TMEM196: variants seen among roughly 807,000 people sequenced by gnomAD.
TMEM196 encodes the protein transmembrane protein 196.
TMEM196 carries 17 observed loss-of-function variants against 20.0 expected under a neutral mutation model. The ratio of observed to expected loss-of-function variants is 0.85; its 90% CI spans 0.58 to 1.27. The LOEUF (loss-of-function observed/expected upper bound fraction) is 1.27. Ranked by LOEUF, TMEM196 falls within the 50% of genes most tolerant of loss-of-function variation. The pLI is 0.00. For synonymous variants in TMEM196, 113 were observed against 88.9 expected (o/e 1.27, Z -1.52); for missense variants, 267 against 223.0 (o/e 1.20, Z -1.26).
Position 19,725,560 on chromosome 7 carries a change from G to T in TMEM196, c.413C>A (p.Ser138Ter), listed in dbSNP as rs1273710579. Residue 138 changes from serine (S) to a stop codon, truncating the protein, a stop_gained, in exon 3 of 5, where the codon TCA becomes TAA. Transcript: ENST00000405844. LOFTEE classifies it high-confidence loss of function. ...LASYEQRRMFSEREHSLHHSH... is the reference protein window; with the variant it reads ...LASYEQRRMF Reference sequence around the variant, plus strand: ...GTGATGCAGGGAATGCTCCCTTTCTGAGAACATCCTCCTCTGTTCATAACT... The same window carrying T: ...GTGATGCAGGGAATGCTCCCTTTCTTAGAACATCCTCCTCTGTTCATAACT... 6.2e-7 allele frequency: 1 copy of T among 1,613,474 alleles called. No homozygotes were observed. Among genetic ancestry groups the T allele is most frequent in the Non-Finnish European group, 8.5e-7 (1 of 1,179,604 alleles).
chr7:19,769,351 A>G (rs1442094028), intron 1 of TMEM196, among the ~76,000 whole-genome samples: 1 of 152,090 alleles, frequency 6.6e-6, no homozygotes, highest in Admixed American at 6.6e-5. Flanking sequence ...AATATGAGAA[A>G]GTAATTCTGT....
chr7:19,721,825 T>C lies in TMEM196; in HGVS notation c.*303A>G, dbSNP rs946459115. On this transcript the variant is annotated 3_prime_UTR_variant, in exon 5 of 5. Transcript: ENST00000405844. ...TTTCTGTTTTATTATCTCTTTTTCC[T>C]GAAAAGTCTTCTTTAGAACAATCTG... 1.8e-5 allele frequency: 7 copies of C among 389,242 alleles called. No homozygotes were observed. In the Admixed American group the frequency reaches 2.4e-4, roughly 13 times the overall value. 24.1% of individuals were successfully genotyped at this position (389,242 alleles called of 1,614,324 possible).
chr7:19,737,596 C>A (rs1264465299), intron 1 of TMEM196, among the ~76,000 whole-genome samples: 1 of 151,672 alleles, frequency 6.6e-6, no homozygotes, highest in East Asian at 1.9e-4. Context: ...AGTGAGATAC[C>A]AAGACACTCA....
At chr7:19,741,019 C>G (rs538371511) in intron 1 of TMEM196, among the ~76,000 whole-genome samples, 1 of 152,156 alleles carries the variant, frequency 6.6e-6, no homozygotes, top group Non-Finnish European at 1.5e-5. Context: ...GTAGTTCCCA[C>G]ACATTCATAA....
At chr7:19,726,118 A>C (rs546906815) in intron 2 of TMEM196, among the ~76,000 whole-genome samples, 55 of 152,338 alleles carry the variant, frequency 3.6e-4, no homozygotes, top group Non-Finnish European at 6.9e-4. Context: ...GTGTGCTACC[A>C]TGCTAGGAAC....
Position 19,773,460 on chromosome 7 carries a change from G to A in TMEM196, c.-764C>T, listed in dbSNP as rs1785974905. 1 of 168,834 alleles carries A rather than the reference G, an allele frequency of 5.9e-6. No homozygotes were observed. Among genetic ancestry groups the A allele is most frequent in the African/African-American group, 2.4e-5 (1 of 41,476 alleles). 10.5% of individuals were successfully genotyped at this position (168,834 alleles called of 1,614,324 possible). On this transcript the variant is annotated 5_prime_UTR_variant, in exon 1 of 5. Coordinates refer to ENST00000405844, the MANE Select transcript of TMEM196 (RefSeq NM_001363562.2). ...CATTGGGGTTTAGGAGGTTGACGGA[G>A]GAGGAAAAAGCCTAATGTATTTGTA...
chr7:19,770,714 A>T (rs547005965), intron 1 of TMEM196, among the ~76,000 whole-genome samples: 1 of 152,210 alleles, frequency 6.6e-6, no homozygotes, highest in Non-Finnish European at 1.5e-5. Flanking sequence ...TATAGTGACT[A>T]TGTAGATATG....
intron 1 of TMEM196, among the ~76,000 whole-genome samples, chr7:19,747,250 G>T (rs1444070132): frequency 7.9e-6 from 1 of 125,872 alleles, no homozygotes; most frequent in African/African-American, 3.4e-5. Flanking sequence ...GCGAGACTCC[G>T]TCTCAAAAAA....
chr7:19,754,930 A>T (rs559393991), intron 1 of TMEM196, among the ~76,000 whole-genome samples: 1 of 152,328 alleles, frequency 6.6e-6, no homozygotes, highest in East Asian at 1.9e-4. Context: ...CAGCTGATAC[A>T]GCACTTATTA....
intron 1 of TMEM196, among the ~76,000 whole-genome samples, chr7:19,731,255 C>G (rs1784191438): frequency 6.6e-6 from 1 of 152,084 alleles, no homozygotes; most frequent in Non-Finnish European, 1.5e-5. Flanking sequence ...TATTATAAAA[C>G]CATGAGAAGA....
intron 1 of TMEM196, among the ~76,000 whole-genome samples, chr7:19,745,785 T>G (rs1428504556): frequency 6.7e-6 from 1 of 149,710 alleles, no homozygotes; most frequent in Non-Finnish European, 1.5e-5. Context: ...ACATCAAACC[T>G]TAGGAGACAA....
chr7:19,723,030 A>C (rs1168108685), intron 4 of TMEM196, among the ~76,000 whole-genome samples: 1 of 152,166 alleles, frequency 6.6e-6, no homozygotes, highest in African/African-American at 2.4e-5. Context: ...AGCAGAAAAA[A>C]AAAATTAGAA....
rs1413935282 is a variant in TMEM196, at chr7:19,720,901, A to G, written c.*1227T>C. On this transcript the variant is annotated 3_prime_UTR_variant, in exon 5 of 5. Transcript: ENST00000405844. ...ATCATCTGCCCTTTTGTATCATTTA[A>G]CTGGACTGCAAGGTGTTTGAAATAT... 2 of 151,920 alleles carry G rather than the reference A, an allele frequency of 1.3e-5. No individual in the cohort carries two copies. Among genetic ancestry groups the G allele is most frequent in the Admixed American group, 1.3e-4 (2 of 15,250 alleles). 9.4% of individuals were successfully genotyped at this position (151,920 alleles called of 1,614,324 possible).
intron 1 of TMEM196, among the ~76,000 whole-genome samples, chr7:19,736,072 C>T (rs141773218): frequency 3.3e-5 from 5 of 151,880 alleles, no homozygotes; most frequent in African/African-American, 1.2e-4. Context: ...TTATCCTGTA[C>T]CTGGATTAAA....
At chr7:19,722,555 C>CT (rs1261330716) in intron 4 of TMEM196, among the ~76,000 whole-genome samples, 1 of 152,056 alleles carries the variant, frequency 6.6e-6, no homozygotes, top group African/African-American at 2.4e-5. Context: ...AATGTGTGGC[C>CT]TTTTTGCTAA....
At chr7:19,743,928 G>T (rs954987209) in intron 1 of TMEM196, among the ~76,000 whole-genome samples, 5 of 152,022 alleles carry the variant, frequency 3.3e-5, no homozygotes, top group African/African-American at 1.2e-4. Context: ...TCTAAAATAA[G>T]ATCTTACAAG....
In TMEM196 at chr7:19,721,950, G is replaced by T; in HGVS notation, c.*178C>A. 1.2e-6 allele frequency: 1 copy of T among 813,096 alleles called. No individual in the cohort carries two copies. The highest frequency in any genetic ancestry group is 1.9e-6 in the Non-Finnish European group (1 of 525,030). 50.4% of individuals were successfully genotyped at this position (813,096 alleles called of 1,614,324 possible). ...AGTGAGGCAATATATTTTTTAGGAA[G>T]AATAATTTTAGTGGATGCTCAGGAG... On this transcript the variant is annotated 3_prime_UTR_variant, in exon 5 of 5. Transcript: ENST00000405844.
At chr7:19,724,713 TCTC>T (rs1232629293) in intron 3 of TMEM196, among the ~76,000 whole-genome samples, 2 of 151,064 alleles carry the variant, frequency 1.3e-5, no homozygotes, top group Admixed American at 6.6e-5. Flanking sequence ...TATTATCACT[TCTC>T]CTCTGTGCTT....
At chr7:19,728,187 C>T (rs932256281) in intron 2 of TMEM196, among the ~76,000 whole-genome samples, 6 of 151,908 alleles carry the variant, frequency 3.9e-5, no homozygotes, top group Non-Finnish European at 7.4e-5. Flanking sequence ...TTCCCTCCCT[C>T]CTCTTTCTTT....
Sources: allele counts gnomAD v4.1 joint callset (sites outside exome capture counted in the v4.1 genomes callset), GRCh38; gene constraint gnomAD v4.1.1; transcripts MANE v1.5; gene names NCBI Gene and HGNC (gene_info 2026-07-23, HGNC 2026-07-21).